The following SLC6A11 variants were observed in gnomAD, a reference collection of about 807,000 sequenced individuals.
SLC6A11 encodes sodium- and chloride-dependent GABA transporter 3.
A neutral mutation model predicts 74.8 loss-of-function variants in SLC6A11; 25 were observed. The observed-to-expected ratio is 0.33, with a 90% CI of 0.24 to 0.47. The LOEUF (loss-of-function observed/expected upper bound fraction) is 0.47, where lower values mean the gene tolerates loss of function less well. Among genes scored for constraint, SLC6A11 ranks in the 20% least tolerant of loss-of-function variants. The probability of loss-of-function intolerance (pLI) is 1.00; values close to 1 mark genes in which losing one functional copy is unlikely to be tolerated. For synonymous variants in SLC6A11, 330 were observed against 330.2 expected (o/e 1.00, Z 0.01); for missense variants, 574 against 837.0 (o/e 0.69, Z 3.88).
At chr3:10,823,848 A>T (rs977750729) in intron 4 of SLC6A11, 3 of 168,460 alleles carry the variant, frequency 1.8e-5, no homozygotes, top group Non-Finnish European at 3.9e-5. Context: ...GATTATAAAG[A>T]GGCAGGTTTC....
At chr3:10,869,036 GT>G (rs1246140225) in intron 5 of SLC6A11, among the ~76,000 whole-genome samples, 1 of 152,194 alleles carries the variant, frequency 6.6e-6, no homozygotes, top group Non-Finnish European at 1.5e-5. Context: ...TAACCTCAGA[GT>G]TCCAGATCTC....
At chr3:10,875,313 A>G (rs1473873177) in intron 6 of SLC6A11, among the ~76,000 whole-genome samples, 1 of 152,270 alleles carries the variant, frequency 6.6e-6, no homozygotes, top group Non-Finnish European at 1.5e-5. Context: ...CAAATTTGTG[A>G]CATGGTAATA....
chr3:10,859,795 A>G (rs768695841), intron 5 of SLC6A11, among the ~76,000 whole-genome samples: 1 of 152,234 alleles, frequency 6.6e-6, no homozygotes, highest in Non-Finnish European at 1.5e-5. Flanking sequence ...ACCAGAAGGT[A>G]CATAATGCTT....
rs1362752381 is a variant in SLC6A11, at chr3:10,816,271, G to A, written c.6G>A (p.Thr2=). The A allele has an allele frequency of 8.2e-6, 11 of 1,342,574 alleles. No homozygotes were observed. The South Asian group carries it at 1.0e-4, about 13-fold the overall frequency. 83.2% of individuals were successfully genotyped at this position (1,342,574 alleles called of 1,614,324 possible). The change falls in exon 1 of 14, where the codon ACG becomes ACA. Residue 2 remains threonine, a synonymous_variant. Transcript: ENST00000254488. The surrounding 1 kb of genome is among the most constrained non-coding windows in gnomAD (Gnocchi z 4.2). ...ACGAGGCAGCCAGCGCGGCCATGAC[G>A]GCGGAGAAGGCGCTGCCCCTGGGCA... M[T]AEKALPLGNG...
At chr3:10,818,638 C>G (rs546557638) in intron 1 of SLC6A11, among the ~76,000 whole-genome samples, 3 of 152,100 alleles carry the variant, frequency 2.0e-5, no homozygotes, top group African/African-American at 7.2e-5. Context: ...CAGTTAAAGC[C>G]GTCATTTGTG....
At chr3:10,913,014 C>G (rs1365215165) in intron 7 of SLC6A11, among the ~76,000 whole-genome samples, 1 of 151,710 alleles carries the variant, frequency 6.6e-6, no homozygotes, top group East Asian at 1.9e-4. Context: ...GTGCAACAAT[C>G]CCTTACCACA....
At chr3:10,863,861 C>T (rs1467700163) in intron 5 of SLC6A11, among the ~76,000 whole-genome samples, 4 of 152,024 alleles carry the variant, frequency 2.6e-5, no homozygotes, top group Non-Finnish European at 5.9e-5. Context: ...CTCAAACTCC[C>T]GAGGGGTCCG....
At chr3:10,871,567 A>C (rs548451666) in intron 5 of SLC6A11, among the ~76,000 whole-genome samples, 20 of 152,154 alleles carry the variant, frequency 1.3e-4, no homozygotes, top group Non-Finnish European at 2.6e-4. Context: ...ATTTTGAAGG[A>C]AATGAATCAA....
At chr3:10,878,346 CCTT>C (rs141735795) in intron 6 of SLC6A11, among the ~76,000 whole-genome samples, 95 of 151,996 alleles carry the variant, frequency 6.3e-4, no homozygotes, top group South Asian at 1.9e-3. Flanking sequence ...TGGAAACACT[CCTT>C]CTTTCTTCCC....
intron 5 of SLC6A11, among the ~76,000 whole-genome samples, chr3:10,862,818 A>T (rs763135271): frequency 6.6e-6 from 1 of 152,198 alleles, no homozygotes. Context: ...AGTCATATAC[A>T]TCTGTTCTAG....
intron 6 of SLC6A11, among the ~76,000 whole-genome samples, chr3:10,889,269 A>G (rs149740589): frequency 2.8e-4 from 43 of 152,198 alleles, no homozygotes; most frequent in African/African-American, 9.6e-4. Flanking sequence ...ATATTGATTT[A>G]TTATTATTAA....
At chr3:10,928,874 G>A (rs1695645400) in intron 9 of SLC6A11, among the ~76,000 whole-genome samples, 1 of 152,200 alleles carries the variant, frequency 6.6e-6, no homozygotes, top group Non-Finnish European at 1.5e-5. Flanking sequence ...CAGCATGTAG[G>A]CATGTGACAG....
At chr3:10,929,622 A>C (rs556257104) in intron 10 of SLC6A11, among the ~76,000 whole-genome samples, 5 of 152,348 alleles carry the variant, frequency 3.3e-5, no homozygotes, top group East Asian at 3.9e-4. Flanking sequence ...CATGGTGAGC[A>C]CATGGACTCC....
At chr3:10,826,785 C>A (rs1035245334) in intron 4 of SLC6A11, among the ~76,000 whole-genome samples, 2 of 152,216 alleles carry the variant, frequency 1.3e-5, no homozygotes, top group African/African-American at 4.8e-5. Context: ...AAGCCTCTCA[C>A]CCAACAGCAT....
At chr3:10,852,411 A>G (rs78401493) in intron 5 of SLC6A11, among the ~76,000 whole-genome samples, 2,279 of 152,360 alleles carry the variant, frequency 0.015, 56 homozygotes, top group African/African-American at 0.051. Flanking sequence ...ATCTTGATTC[A>G]GCCCTTTCTC....
intron 6 of SLC6A11, among the ~76,000 whole-genome samples, chr3:10,908,176 G>C (rs1311277663): frequency 6.6e-6 from 1 of 152,164 alleles, no homozygotes; most frequent in African/African-American, 2.4e-5. Context: ...TGTATGTTCT[G>C]ATAATCTATA....
At chr3:10,937,120 C>T (rs992950135) in intron 13 of SLC6A11, among the ~76,000 whole-genome samples, 1 of 152,132 alleles carries the variant, frequency 6.6e-6, no homozygotes, top group Non-Finnish European at 1.5e-5. Flanking sequence ...GAGGATGCAT[C>T]CTACTGAATG....
intron 6 of SLC6A11, among the ~76,000 whole-genome samples, chr3:10,879,766 T>C (rs972652013): frequency 6.6e-6 from 1 of 152,170 alleles, no homozygotes; most frequent in Admixed American, 6.5e-5. Flanking sequence ...CATACACATA[T>C]ATACATACAT....
chr3:10,907,531 G>GA (rs1695321689), intron 6 of SLC6A11, among the ~76,000 whole-genome samples: 1 of 152,146 alleles, frequency 6.6e-6, no homozygotes, highest in African/African-American at 2.4e-5. Flanking sequence ...CTTGCATCCT[G>GA]AAAAAATATA....
Sources: allele counts gnomAD v4.1 joint callset (sites outside exome capture counted in the v4.1 genomes callset), GRCh38; gene constraint gnomAD v4.1.1; non-coding constraint Gnocchi (gnomAD v3.1); transcripts MANE v1.5; gene names NCBI Gene and HGNC (gene_info 2026-07-23, HGNC 2026-07-21).